The following SCHIP1 variants were observed in gnomAD, a reference collection of about 807,000 sequenced individuals.
SCHIP1 encodes schwannomin interacting protein 1.
A neutral mutation model predicts 29.7 loss-of-function variants in SCHIP1; 8 were observed. The ratio of observed to expected loss-of-function variants is 0.27; its 90% CI spans 0.16 to 0.49. SCHIP1 has a LOEUF of 0.49. SCHIP1 is among the 20% of genes least tolerant of loss of function. The pLI is 0.99. For synonymous variants in SCHIP1, 76 were observed against 94.9 expected, an observed-to-expected ratio of 0.80 and a Z score of 1.16; for missense variants, 193 against 294.6, an observed-to-expected ratio of 0.66 and a Z score of 2.52.
the SCHIP1 span, among the ~76,000 whole-genome samples, chr3:159,466,943 C>G: frequency 1.3e-4 from 19 of 151,866 alleles, no homozygotes; most frequent in African/African-American, 4.6e-4. Flanking sequence ...TTTTAGTCCC[C>G]CCAAATGAAA....
chr3:159,367,922 C>A, the SCHIP1 span, among the ~76,000 whole-genome samples: 5 of 152,166 alleles, frequency 3.3e-5, no homozygotes, highest in South Asian at 4.1e-4. Context: ...TTAGTGGACA[C>A]CTTTAATGTC....
At position 159,861,398 on chromosome 3, in the gene SCHIP1, T is replaced by C. The variant is rs150804699; in HGVS notation, c.31-4765T>C. On this transcript the variant is annotated intron_variant, in intron 1 of 6. Coordinates refer to ENST00000445224, the Ensembl canonical transcript of SCHIP1. The surrounding 1 kb of genome is among the most constrained non-coding windows in gnomAD (Gnocchi z 4.1). ...TATTTCATTACTGAATGCCCCTCTTTGTTCTTGTCCAGATTGGGGAATTGC... is the reference window on the plus strand; with the variant it reads ...TATTTCATTACTGAATGCCCCTCTTCGTTCTTGTCCAGATTGGGGAATTGC... Among the ~76,000 whole-genome samples, 240 of 152,326 alleles carry C rather than the reference T, an allele frequency of 1.6e-3. No individual in the cohort carries two copies. The highest frequency in any genetic ancestry group is 2.0e-3 in the Non-Finnish European group (133 of 68,024).
the SCHIP1 span, among the ~76,000 whole-genome samples, chr3:159,456,321 T>C: frequency 9.2e-5 from 14 of 152,256 alleles, no homozygotes; most frequent in Non-Finnish European, 1.5e-4. Flanking sequence ...GAGGGAATGA[T>C]GGAATAGTGG....
At chr3:159,620,243 G>C in the SCHIP1 span, among the ~76,000 whole-genome samples, 20 of 152,306 alleles carry the variant, frequency 1.3e-4, no homozygotes. Context: ...GTGTGACAAG[G>C]CCCTACTAAT....
chr3:159,828,388 C>CACATATATATATGTATATATGTAT, the SCHIP1 span, among the ~76,000 whole-genome samples: 1 of 65,378 alleles, frequency 1.5e-5, no homozygotes, highest in African/African-American at 4.6e-5. Flanking sequence ...TATATATATA[C>CACATATATATATGTATATATGTAT]ATATATACGT....
the SCHIP1 span, among the ~76,000 whole-genome samples, chr3:159,694,073 T>G: frequency 3.9e-4 from 60 of 152,318 alleles, no homozygotes; most frequent in African/African-American, 1.4e-3. Context: ...TGTGTATTTC[T>G]TATAAGAACT....
At chr3:159,877,235 A>G (rs1204541106) in intron 2 of SCHIP1, among the ~76,000 whole-genome samples, 1 of 152,156 alleles carries the variant, frequency 6.6e-6, no homozygotes, top group Non-Finnish European at 1.5e-5. Flanking sequence ...CTATAATCCC[A>G]GCTACTCAGG....
chr3:159,659,158 G>A, the SCHIP1 span, among the ~76,000 whole-genome samples: 2 of 152,206 alleles, frequency 1.3e-5, no homozygotes, highest in Non-Finnish European at 2.9e-5. Context: ...TTGTTGATCA[G>A]ACTCACATTC....
chr3:159,422,199 T>A, the SCHIP1 span, among the ~76,000 whole-genome samples: 1 of 152,182 alleles, frequency 6.6e-6, no homozygotes. Flanking sequence ...TGAGGGTGCC[T>A]TATTTTATTT....
At chr3:159,273,554 C>CA in the SCHIP1 span, 37 of 1,232,090 alleles carry the variant, frequency 3.0e-5, no homozygotes, top group Non-Finnish European at 3.7e-5. Flanking sequence ...AGAACACTGG[C>CA]AAAAATCAGC....
At chr3:159,399,051 C>T in the SCHIP1 span, 1 of 477,312 alleles carries the variant, frequency 2.1e-6, no homozygotes, top group Non-Finnish European at 2.7e-6. Flanking sequence ...TCCCCTCCAG[C>T]TACACTGGCT....
At chr3:159,424,308 T>C in the SCHIP1 span, among the ~76,000 whole-genome samples, 1 of 152,040 alleles carries the variant, frequency 6.6e-6, no homozygotes, top group Non-Finnish European at 1.5e-5. Context: ...TTTAGAAGAA[T>C]GTATAACTAG....
chr3:159,513,209 C>G, the SCHIP1 span, among the ~76,000 whole-genome samples: 99,767 of 152,070 alleles, frequency 0.66, 33,010 homozygotes, highest in East Asian at 0.79. Flanking sequence ...TTACTCTTAT[C>G]CAGGGTACAG....
the SCHIP1 span, among the ~76,000 whole-genome samples, chr3:159,381,219 A>G: frequency 6.6e-6 from 1 of 152,176 alleles, no homozygotes; most frequent in Admixed American, 6.5e-5. Flanking sequence ...AGGTAGACAT[A>G]GTGTACTAAG....
At chr3:159,535,613 C>T in the SCHIP1 span, among the ~76,000 whole-genome samples, 2 of 152,180 alleles carry the variant, frequency 1.3e-5, no homozygotes, top group Non-Finnish European at 2.9e-5. Flanking sequence ...TTCTCAGGGA[C>T]CTGTGGGTAA....
chr3:159,542,612 G>C, the SCHIP1 span, among the ~76,000 whole-genome samples: 1 of 151,944 alleles, frequency 6.6e-6, no homozygotes, highest in Non-Finnish European at 1.5e-5. Flanking sequence ...GTGATGCTGG[G>C]CCCTCTGTTG....
At chr3:159,544,303 T>G in the SCHIP1 span, among the ~76,000 whole-genome samples, 1 of 152,110 alleles carries the variant, frequency 6.6e-6, no homozygotes, top group Non-Finnish European at 1.5e-5. Context: ...CTACAATTTA[T>G]GTATGTTACC....
chr3:159,866,344 C>A (rs1447689578), intron 2 of SCHIP1, 63 bp downstream of exon 3: 2 of 1,445,020 alleles, frequency 1.4e-6, no homozygotes, highest in South Asian at 1.3e-5. Context: ...CTTGACTATT[C>A]TAATAAAAAA....
chr3:159,644,657 G>C, the SCHIP1 span, among the ~76,000 whole-genome samples: 3 of 152,086 alleles, frequency 2.0e-5, no homozygotes, highest in Non-Finnish European at 4.4e-5. Context: ...AAACAAGGTA[G>C]ACCACAACTC....
Sources: allele counts gnomAD v4.1 joint callset (sites outside exome capture counted in the v4.1 genomes callset), GRCh38; gene constraint gnomAD v4.1.1; non-coding constraint Gnocchi (gnomAD v3.1); transcripts MANE v1.5; gene names NCBI Gene and HGNC (gene_info 2026-07-23, HGNC 2026-07-21).